The following GTF2A2 variants were observed in gnomAD, a reference collection of about 807,000 sequenced individuals.
GTF2A2 encodes general transcription factor IIA subunit 2.
In GTF2A2, 9 loss-of-function variants were observed where a neutral mutation model predicts 14.3. That is an observed-to-expected ratio of 0.63 (90% CI 0.38 to 1.10). The LOEUF (loss-of-function observed/expected upper bound fraction) is 1.10, where lower values mean the gene tolerates loss of function less well. Ranked by LOEUF, GTF2A2 falls within the 50% of genes least tolerant of loss-of-function variation. GTF2A2 has a pLI of 0.01. For missense variants in GTF2A2, 90 were observed against 124.6 expected (o/e 0.72, Z 1.32); for synonymous variants, 56 against 46.0 (o/e 1.22, Z -0.88).
chr15:59,653,346 T>G (rs74655621), intron 1 of GTF2A2, among the ~76,000 whole-genome samples: 3 of 152,112 alleles, frequency 2.0e-5, no homozygotes, highest in African/African-American at 7.2e-5. Flanking sequence ...GAAAATACAT[T>G]TGAGGAGCAA....
At chr15:59,655,540 C>A (rs1298765707) in intron 1 of GTF2A2, among the ~76,000 whole-genome samples, 1 of 152,216 alleles carries the variant, frequency 6.6e-6, no homozygotes, top group Non-Finnish European at 1.5e-5. Context: ...ACAAGTTCAT[C>A]CTTCTTAATA....
chr15:59,654,251 C>G (rs1891879115), intron 1 of GTF2A2, among the ~76,000 whole-genome samples: 1 of 152,184 alleles, frequency 6.6e-6, no homozygotes, highest in South Asian at 2.1e-4. Flanking sequence ...CTATCTTCGC[C>G]CACTCACCCT....
At chr15:59,656,265 GC>G (rs1891939952) in intron 1 of GTF2A2, among the ~76,000 whole-genome samples, 1 of 152,022 alleles carries the variant, frequency 6.6e-6, no homozygotes, top group African/African-American at 2.4e-5. Flanking sequence ...TTTCCTATCT[GC>G]CTGAATGCTC....
chr15:59,639,496 T>C (rs1211170408), intron 4 of GTF2A2, among the ~76,000 whole-genome samples: 1 of 146,850 alleles, frequency 6.8e-6, no homozygotes, highest in African/African-American at 2.5e-5. Flanking sequence ...GGAGTCTAGC[T>C]GTTGCCCAGG....
chr15:59,641,362 TAGC>T (rs1891420315), intron 4 of GTF2A2, among the ~76,000 whole-genome samples: 3 of 152,196 alleles, frequency 2.0e-5, no homozygotes, highest in Non-Finnish European at 4.4e-5. Flanking sequence ...ATTGATTGAT[TAGC>T]TATTTCTTTG....
At chr15:59,650,832 T>TA in intron 2 of GTF2A2, 59 bp from the exon 3 acceptor site, 1 of 901,968 alleles carries the variant, frequency 1.1e-6, no homozygotes, top group Non-Finnish European at 1.8e-6. Flanking sequence ...ACAAAGTAAA[T>TA]AAAAATATAC....
intron 4 of GTF2A2, 99 bp downstream of exon 4, chr15:59,642,037 C>A: frequency 2.0e-6 from 2 of 995,220 alleles, no homozygotes; most frequent in Non-Finnish European, 2.9e-6. Flanking sequence ...ATCATAGGGC[C>A]ATTTTACCCG....
chr15:59,645,597 A>G (rs1201227712), intron 3 of GTF2A2, among the ~76,000 whole-genome samples: 2 of 152,188 alleles, frequency 1.3e-5, no homozygotes, highest in East Asian at 3.8e-4. Flanking sequence ...AAAGACACAA[A>G]ATTGTAAGCC....
rs1891284484 is a variant in GTF2A2, at chr15:59,639,008, TTCTCTGGTATAGCACAGTGTAGTCA to T, written c.*99_*123del. The T allele has an allele frequency of 1.5e-6, 1 of 661,490 alleles. No individual in the cohort carries two copies. The highest frequency in any genetic ancestry group is 1.8e-5 in the African/African-American group (1 of 54,124). The allele number at this position is 661,490 out of a possible 1,614,324, so 41.0% of individuals were successfully genotyped here. A position where few individuals can be genotyped will look rare whatever the true frequency, so the allele number is the denominator to read the frequency against. ...AGTTACAAGTTTCTTTCTACTGGAA[TTCTCTGGTATAGCACAGTGTAGTCA>T]TTTCTGCAATTCTAGAATAAATAAA... On this transcript the variant is annotated 3_prime_UTR_variant, in exon 5 of 5. Transcript: ENST00000396060.
At position 59,638,881 on chromosome 15, in the gene GTF2A2, G is replaced by C; in HGVS notation, c.*251C>G. 1 of 395,224 alleles carries C rather than the reference G, an allele frequency of 2.5e-6. No homozygotes were observed. The highest frequency in any genetic ancestry group is 4.6e-6 in the Non-Finnish European group (1 of 217,998). 24.5% of individuals were successfully genotyped at this position (395,224 alleles called of 1,614,324 possible). Reference sequence around the variant, plus strand: ...CAGTTATTACTCAGAGTTTTAAAATGAGTTTATTAAAGAAGGTTCTTAGGA... The same window carrying C: ...CAGTTATTACTCAGAGTTTTAAAATCAGTTTATTAAAGAAGGTTCTTAGGA... On this transcript the variant is annotated 3_prime_UTR_variant, in exon 5 of 5. Transcript: ENST00000396060.
chr15:59,652,185 A>G, intron 2 of GTF2A2, 21 bp downstream of exon 2: 3 of 1,399,404 alleles, frequency 2.1e-6, no homozygotes, highest in Non-Finnish European at 3.0e-6. Context: ...AAAATGTTTG[A>G]TTTTTAATTC....
At chr15:59,640,385 G>A (rs1398508646) in intron 4 of GTF2A2, 2 of 152,180 alleles carry the variant, frequency 1.3e-5, no homozygotes. Context: ...TTTATTTACT[G>A]ATTTTCTGGT....
chr15:59,649,974 T>A (rs1203170675), intron 3 of GTF2A2, among the ~76,000 whole-genome samples: 2 of 152,180 alleles, frequency 1.3e-5, no homozygotes, highest in East Asian at 3.8e-4. Context: ...TAATACAATA[T>A]AAACATAAAG....
chr15:59,642,816 G>C (rs1222750228), intron 3 of GTF2A2, among the ~76,000 whole-genome samples: 1 of 152,086 alleles, frequency 6.6e-6, no homozygotes, highest in East Asian at 1.9e-4. Flanking sequence ...TGCCACGCTG[G>C]AGTGCAGTGG....
In GTF2A2 at chr15:59,639,071, T is replaced by C. The variant is rs749114034; in HGVS notation, c.*61A>G. 6.5e-5 allele frequency: 61 copies of C among 943,134 alleles called. No individual in the cohort carries two copies. Among genetic ancestry groups the C allele is most frequent in the Admixed American group, 3.5e-4 (20 of 57,392 alleles). The allele number at this position is 943,134 out of a possible 1,614,324, so 58.4% of individuals were successfully genotyped here. A position where few individuals can be genotyped will look rare whatever the true frequency, so the allele number is the denominator to read the frequency against. On this transcript the variant is annotated 3_prime_UTR_variant, in exon 5 of 5. Coordinates refer to ENST00000396060, the MANE Select transcript of GTF2A2 (RefSeq NM_004492.3). ...TAGAATAAATAAAAAGTCTCTTCTATGCTTCTCTTCAAAAGCAATGAATAA... is the reference window on the plus strand; with the variant it reads ...TAGAATAAATAAAAAGTCTCTTCTACGCTTCTCTTCAAAAGCAATGAATAA...
rs1400597390 is a variant in GTF2A2 at position 59,650,852 on chromosome 15, T to C, written c.73-79A>G. 8.9e-6 allele frequency: 7 copies of C among 786,280 alleles called. No individual in the cohort carries two copies. In the South Asian group the frequency reaches 9.8e-5, roughly 11 times the overall value. The allele number at this position is 786,280 out of a possible 1,614,324, so 48.7% of individuals were successfully genotyped here. A position where few individuals can be genotyped will look rare whatever the true frequency, so the allele number is the denominator to read the frequency against. Reference sequence around the variant, plus strand: ...GTAAATAAAAATATACAAATTATCATCTAAAATTTAACTGAGGTTAACCAA... The same window carrying C: ...GTAAATAAAAATATACAAATTATCACCTAAAATTTAACTGAGGTTAACCAA... On this transcript the variant is annotated intron_variant, in intron 2 of 4. Transcript: ENST00000396060.
rs1301986939 is a variant in GTF2A2, at chr15:59,639,052, A to AAAT, written c.*77_*79dup. Reference sequence around the variant, plus strand: ...GTAGTCATTTCTGCAATTCTAGAATAAATAAAAAGTCTCTTCTATGCTTCT... The same window carrying AAAT: ...GTAGTCATTTCTGCAATTCTAGAATAAATAATAAAAAGTCTCTTCTATGCTTCT... On this transcript the variant is annotated 3_prime_UTR_variant, in exon 5 of 5. Coordinates refer to ENST00000396060, the MANE Select transcript of GTF2A2 (RefSeq NM_004492.3). 1 of 843,112 alleles carries AAAT rather than the reference A, an allele frequency of 1.2e-6. No individual in the cohort carries two copies. Among genetic ancestry groups the AAAT allele is most frequent in the African/African-American group, 1.7e-5 (1 of 58,950 alleles). The allele number at this position is 843,112 out of a possible 1,614,324, so 52.2% of individuals were successfully genotyped here.
chr15:59,645,896 T>C (rs1891589042), intron 3 of GTF2A2, among the ~76,000 whole-genome samples: 1 of 151,888 alleles, frequency 6.6e-6, no homozygotes, highest in Admixed American at 6.6e-5. Context: ...TAGACGGGCA[T>C]GATGGTGGGT....
In GTF2A2 at chr15:59,641,998, G is replaced by A. The variant is rs1229715982; in HGVS notation, c.304+138C>T. ...AGATATGTAATCAGAATTTAGTGGAGATAAAAGCCTGGGCTTATCTGGGAA... is the reference window on the plus strand; with the variant it reads ...AGATATGTAATCAGAATTTAGTGGAAATAAAAGCCTGGGCTTATCTGGGAA... On this transcript the variant is annotated intron_variant, in intron 4 of 4. Transcript: ENST00000396060. The A allele has an allele frequency of 4.7e-6, 3 of 641,136 alleles. No individual in the cohort carries two copies. In the South Asian group the frequency reaches 7.0e-5, roughly 15 times the overall value. 39.7% of individuals were successfully genotyped at this position (641,136 alleles called of 1,614,324 possible). A position where few individuals can be genotyped will look rare whatever the true frequency, so the allele number is the denominator to read the frequency against.
Sources: gnomAD v4.1 joint callset for allele counts (sites outside exome capture counted in the v4.1 genomes callset) on GRCh38, gnomAD v4.1.1 for gene constraint, MANE v1.5 for transcripts, NCBI Gene and HGNC (gene_info 2026-07-23, HGNC 2026-07-21) for gene names.